The following SIDT2 variants were observed in gnomAD, a reference collection of about 807,000 sequenced individuals.
SIDT2 encodes the protein SID1 transmembrane family, member 2.
In SIDT2, 68 loss-of-function variants were observed where a neutral mutation model predicts 114.4. The ratio of observed to expected loss-of-function variants is 0.59; its 90% CI spans 0.49 to 0.73. The LOEUF (loss-of-function observed/expected upper bound fraction) is 0.73, where lower values mean the gene tolerates loss of function less well. SIDT2 is among the 30% of genes least tolerant of loss of function. The pLI, the probability that SIDT2 is intolerant of heterozygous loss-of-function variation, is 0.00. For synonymous variants in SIDT2, 470 were observed against 438.4 expected, an observed-to-expected ratio of 1.07 and a Z score of -0.90; for missense variants, 918 against 1,097.1, an observed-to-expected ratio of 0.84 and a Z score of 2.31.
In SIDT2 at chr11:117,190,783, G is replaced by T. The variant is rs1197846079; in HGVS notation, c.1735+43G>T. On this transcript the variant is annotated intron_variant, in intron 18 of 25. Coordinates refer to ENST00000324225, the MANE Select transcript of SIDT2 (RefSeq NM_001040455.2). This position sits in a 1 kb window ranked among gnomAD's most constrained non-coding sequence, Gnocchi z 4.1. The stretch of plus-strand genomic sequence containing the variant: ...CTTTTCTGGCTCAACCTACAGCAGG[G>T]ACCTGCCTGAGTCCTTCACTATCCC... The T allele has an allele frequency of 7.3e-6, 11 of 1,502,818 alleles. No individual in the cohort carries two copies. Among genetic ancestry groups the T allele is most frequent in the Non-Finnish European group, 1.0e-5 (11 of 1,079,022 alleles). 93.1% of individuals were successfully genotyped at this position (1,502,818 alleles called of 1,614,324 possible). A position where few individuals can be genotyped will look rare whatever the true frequency, so the allele number is the denominator to read the frequency against.
rs2030618753 is a variant in SIDT2 at position 117,189,364 on chromosome 11, C to A, written c.1382C>A (p.Ala461Asp). 1 of 1,614,216 alleles carries A rather than the reference C, an allele frequency of 6.2e-7. No homozygotes were observed. The highest frequency in any genetic ancestry group is 1.7e-5 in the Admixed American group (1 of 60,026). The change falls in exon 15 of 26, where the codon GCC becomes GAC. Residue 461 changes from alanine to aspartate, a missense_variant. Ala to Asp is a moderately radical substitution (Grantham distance 126). Transcript: ENST00000324225. ...ATTGCCACCATTGCTGTCTTCTATGCCCTTCCTGTGGTGCAGCTGGTGATC... is the reference window on the plus strand; with the variant it reads ...ATTGCCACCATTGCTGTCTTCTATGACCTTCCTGTGGTGCAGCTGGTGATC... ...WNIATIAVFYALPVVQLVITY... is the reference protein window; with the variant it reads ...WNIATIAVFYDLPVVQLVITY...
In SIDT2 at chr11:117,194,201, G is replaced by A. The variant is rs922034133; in HGVS notation, c.2322+238G>A. 1.3e-4 allele frequency: 53 copies of A among 401,282 alleles called. No homozygotes were observed. The East Asian group carries it at 2.1e-3, about 16-fold the overall frequency. The allele number at this position is 401,282 out of a possible 1,614,324, so 24.9% of individuals were successfully genotyped here. A position where few individuals can be genotyped will look rare whatever the true frequency, so the allele number is the denominator to read the frequency against. ...GTGGTGGTATTCACCAGTAGTCCTA[G>A]CTACCTCGGAAGCGGAGGCAAGAAG... On this transcript the variant is annotated intron_variant, in intron 24 of 25. Coordinates refer to ENST00000324225, the MANE Select transcript of SIDT2 (RefSeq NM_001040455.2).
chr11:117,182,988 C>T (rs1380243668), intron 6 of SIDT2, among the ~76,000 whole-genome samples, 182 bp downstream of exon 6: 1 of 152,190 alleles, frequency 6.6e-6, no homozygotes, highest in African/African-American at 2.4e-5. Context: ...ATCCCAGTTG[C>T]TCTTGGGGAT....
chr11:117,194,813 G>C (rs575657728), intron 24 of SIDT2, among the ~76,000 whole-genome samples: 2 of 152,226 alleles, frequency 1.3e-5, no homozygotes, highest in African/African-American at 4.8e-5. Context: ...GGAGGGCTGG[G>C]CACGGTGGCT....
chr11:117,180,816 C>G (rs527547501), intron 1 of SIDT2, among the ~76,000 whole-genome samples: 2 of 152,226 alleles, frequency 1.3e-5, no homozygotes, highest in South Asian at 4.1e-4. Flanking sequence ...AAGCGTGAGT[C>G]ACCGCACCCG....
intron 10 of SIDT2, 85 bp from the exon 11 acceptor site, chr11:117,187,293 T>G: frequency 7.4e-7 from 1 of 1,358,136 alleles, no homozygotes; most frequent in Non-Finnish European, 1.1e-6. Context: ...TGTGGCTGTC[T>G]TCTCTGGACC....
chr11:117,190,115 A>G lies in SIDT2; in HGVS notation c.1494-51A>G. 2 of 1,611,130 alleles carry G rather than the reference A, an allele frequency of 1.2e-6. No homozygotes were observed. The highest frequency in any genetic ancestry group is 2.2e-5 in the South Asian group (2 of 90,744). Reference sequence around the variant, plus strand: ...TTGCAATGCCCACGTGGGCTAGGGAAGAGGCCTGGGTGTGAGTCCCAAGCA... The same window carrying G: ...TTGCAATGCCCACGTGGGCTAGGGAGGAGGCCTGGGTGTGAGTCCCAAGCA... On this transcript the variant is annotated intron_variant, in intron 16 of 25. Transcript: ENST00000324225. The surrounding 1 kb of genome is among the most constrained non-coding windows in gnomAD (Gnocchi z 4.1).
Position 117,188,422 on chromosome 11 carries a change from C to A in SIDT2, c.1160-286C>A. 2.0e-6 allele frequency: 1 copy of A among 490,008 alleles called. No homozygotes were observed. The highest frequency in any genetic ancestry group is 3.7e-6 in the Non-Finnish European group (1 of 269,742). The allele number at this position is 490,008 out of a possible 1,614,324, so 30.4% of individuals were successfully genotyped here. A position where few individuals can be genotyped will look rare whatever the true frequency, so the allele number is the denominator to read the frequency against. ...CTGCTGCCTGGGGTCTGCCTTGTGT[C>A]CTGGCCTGGGAAGCCCTAGCCCATG... On this transcript the variant is annotated intron_variant, in intron 12 of 25. Coordinates refer to ENST00000324225, the MANE Select transcript of SIDT2 (RefSeq NM_001040455.2). This position sits in a 1 kb window ranked among gnomAD's most constrained non-coding sequence, Gnocchi z 4.0.
At chr11:117,189,890 CG>C in intron 15 of SIDT2, 61 bp from the exon 16 acceptor site, 1 of 1,551,880 alleles carries the variant, frequency 6.4e-7, no homozygotes. Context: ...GCCCGGATGG[CG>C]GGGCGTGGGC....
Position 117,188,570 on chromosome 11 carries a change from C to T in SIDT2, c.1160-138C>T. The T allele has an allele frequency of 1.5e-6, 1 of 668,012 alleles. No homozygotes were observed. Among genetic ancestry groups the T allele is most frequent in the Non-Finnish European group, 2.7e-6 (1 of 366,244 alleles). The allele number at this position is 668,012 out of a possible 1,614,324, so 41.4% of individuals were successfully genotyped here. On this transcript the variant is annotated intron_variant, in intron 12 of 25. Coordinates refer to ENST00000324225, the MANE Select transcript of SIDT2 (RefSeq NM_001040455.2). The surrounding 1 kb of genome is among the most constrained non-coding windows in gnomAD (Gnocchi z 4.0). The stretch of plus-strand genomic sequence containing the variant: ...CTCCTCCCAGCTCCTGAGCCCACTT[C>T]CACCCCAACTCTGAGGCCCAGCCCA...
rs1022837890 is a variant in SIDT2 at position 117,188,042 on chromosome 11, A to G, written c.1159+343A>G. On this transcript the variant is annotated intron_variant, in intron 12 of 25. Coordinates refer to ENST00000324225, the MANE Select transcript of SIDT2 (RefSeq NM_001040455.2). This position sits in a 1 kb window ranked among gnomAD's most constrained non-coding sequence, Gnocchi z 4.0. ...CCGGCTGTGGGGCCAGAAAGATTCT[A>G]TGTGCATGGCTTCCCCATGTAATTC... The G allele has an allele frequency of 4.3e-5, 23 of 532,994 alleles. No individual in the cohort carries two copies. Among genetic ancestry groups the G allele is most frequent in the Non-Finnish European group, 7.9e-5 (22 of 277,062 alleles). 33.0% of individuals were successfully genotyped at this position (532,994 alleles called of 1,614,324 possible).
At position 117,190,019 on chromosome 11, in the gene SIDT2, A is replaced by G. The variant is rs370622770; in HGVS notation, c.1487A>G (p.Asn496Ser). Residue 496 changes from asparagine to serine, a missense_variant, in exon 16 of 26, where the codon AAT (asparagine) becomes AGT (serine). Coordinates refer to ENST00000324225, the MANE Select transcript of SIDT2 (RefSeq NM_001040455.2). This position sits in a 1 kb window ranked among gnomAD's most constrained non-coding sequence, Gnocchi z 4.1. ...TTCCTCTGCGCCCACCCACTGGGCA[A>G]TCTCAGGTGGGGGTCATGCTGGGAG... ...YNFLCAHPLG[N>S]LSAFNNILSN... 31 of 1,613,952 alleles carry G rather than the reference A, an allele frequency of 1.9e-5. No individual in the cohort carries two copies. The highest frequency in any genetic ancestry group is 1.6e-4 in the Middle Eastern group (1 of 6,080).
At chr11:117,187,752 G>A in intron 12 of SIDT2, 53 bp downstream of exon 12, 1 of 1,575,626 alleles carries the variant, frequency 6.3e-7, no homozygotes, top group Non-Finnish European at 8.7e-7. Flanking sequence ...TGTTGTCTGG[G>A]TAAAATGTCA....
chr11:117,188,676 C>T lies in SIDT2; in HGVS notation c.1160-32C>T, dbSNP rs200500770. 2.7e-4 allele frequency: 423 copies of T among 1,555,728 alleles called. 3 individuals carry two copies. In the Middle Eastern group the frequency reaches 4.4e-3, roughly 16 times the overall value. On this transcript the variant is annotated intron_variant, in intron 12 of 25. Coordinates refer to ENST00000324225, the MANE Select transcript of SIDT2 (RefSeq NM_001040455.2). The surrounding 1 kb of genome is among the most constrained non-coding windows in gnomAD (Gnocchi z 4.0). ...GGGCCACTGTGGGTTTTGTGTCCAC[C>T]GGTGCAACCCCTCCCTCCCTGCCCT...
chr11:117,183,498 C>T lies in SIDT2; in HGVS notation c.703-281C>T, dbSNP rs1160386899. Among the ~76,000 whole-genome samples the T allele has an allele frequency of 2.0e-5, 3 of 151,966 alleles. 1 individual carries two copies. Among genetic ancestry groups the T allele is most frequent in the South Asian group, 4.2e-4 (2 of 4,814 alleles). ...ACTAAAAACATAAAAATTAGCTGGG[C>T]GTGGTGATGGACGCCTGTAATCCCA... On this transcript the variant is annotated intron_variant, in intron 6 of 25. Transcript: ENST00000324225.
At chr11:117,191,025 C>G in intron 18 of SIDT2, 1 of 244,156 alleles carries the variant, frequency 4.1e-6, no homozygotes, top group Non-Finnish European at 8.0e-6. Context: ...CGCCTGTAAT[C>G]CCAGCACTTT....
intron 15 of SIDT2, 142 bp from the exon 16 acceptor site, chr11:117,189,810 A>G: frequency 1.4e-6 from 1 of 716,848 alleles, no homozygotes; most frequent in Non-Finnish European, 2.4e-6. Flanking sequence ...CTCAGAAGGA[A>G]CACGTGCCTG....
intron 15 of SIDT2, 35 bp from the exon 16 acceptor site, chr11:117,189,917 G>A (rs769700044): frequency 5.6e-6 from 9 of 1,608,448 alleles, no homozygotes; most frequent in African/African-American, 1.3e-5. Context: ...TGGGCGTGAC[G>A]ACAGACCCAC....
Position 117,192,741 on chromosome 11 carries a change from T to A in SIDT2, c.2059-79T>A. 1.2e-6 allele frequency: 2 copies of A among 1,610,520 alleles called. No homozygotes were observed. The highest frequency in any genetic ancestry group is 1.7e-5 in the Admixed American group (1 of 59,930). On this transcript the variant is annotated intron_variant, in intron 21 of 25. Transcript: ENST00000324225. The surrounding 1 kb of genome is among the most constrained non-coding windows in gnomAD (Gnocchi z 5.9). ...GCTGGGCTGAGGACCCAGGGGAGAG[T>A]GGGGACCAGCTGGCTGGGCCTTCTT...
Sources: allele counts gnomAD v4.1 joint callset (sites outside exome capture counted in the v4.1 genomes callset), GRCh38; gene constraint gnomAD v4.1.1; non-coding constraint Gnocchi (gnomAD v3.1); transcripts MANE v1.5; gene names NCBI Gene and HGNC (gene_info 2026-07-23, HGNC 2026-07-21).